Variants in ADIPOQ observed in about 807,000 individuals in gnomAD.
ADIPOQ encodes the protein adiponectin, C1Q and collagen domain containing, also known as adiponectin.
A neutral mutation model predicts 16.1 loss-of-function variants in ADIPOQ; 19 were observed. The ratio of observed to expected loss-of-function variants is 1.18; its 90% CI spans 0.82 to 1.73. The LOEUF (loss-of-function observed/expected upper bound fraction) is 1.73. Among genes scored for constraint, ADIPOQ ranks in the 40% most tolerant of loss-of-function variants. The probability of loss-of-function intolerance (pLI) is 0.00; values close to 1 mark genes in which losing one functional copy is unlikely to be tolerated. For missense variants in ADIPOQ, 323 were observed against 308.3 expected, an observed-to-expected ratio of 1.05 and a Z score of -0.36; for synonymous variants, 124 against 125.5, an observed-to-expected ratio of 0.99 and a Z score of 0.08.
At position 186,853,252 on chromosome 3, in the gene ADIPOQ, A is replaced by G. The variant is rs750066620; in HGVS notation, c.194A>G (p.Lys65Arg). 2 of 1,606,796 alleles carry G rather than the reference A, an allele frequency of 1.2e-6. No individual in the cohort carries two copies. Among genetic ancestry groups the G allele is most frequent in the Admixed American group, 3.4e-5 (2 of 58,352 alleles). Reference protein sequence around the residue: ...RDGRDGTPGEKGEKGDPGLIG... With the variant: ...RDGRDGTPGERGEKGDPGLIG... ...GGCAGAGATGGCACCCCTGGTGAGA[A>G]GGGTGAGAAAGGAGATCCAGGTAAG... The change falls in exon 2 of 3, where the codon AAG becomes AGG. Residue 65 changes from lysine (K) to arginine (R), a missense_variant. By Grantham distance (26) the Lys-to-Arg change is conservative (BLOSUM62 2). Transcript: ENST00000320741.
rs1711827012 is a variant in ADIPOQ, at chr3:186,852,789, T to G, written c.-8-262T>G. 8.5e-6 allele frequency: 4 copies of G among 472,678 alleles called. No individual in the cohort carries two copies. In the Admixed American group the frequency reaches 1.4e-4, roughly 16 times the overall value. The allele number at this position is 472,678 out of a possible 1,614,324, so 29.3% of individuals were successfully genotyped here. On this transcript the variant is annotated intron_variant, in intron 1 of 2. Coordinates refer to ENST00000320741, the MANE Select transcript of ADIPOQ (RefSeq NM_004797.4). ...ATGGGAAAATTAGAGGAGTGTCATC[T>G]GTGCAATCACTGAATTCATAATCTT... is the stretch of plus-strand genomic sequence containing the variant.
intron 1 of ADIPOQ, 81 bp from the exon 2 acceptor site, chr3:186,852,970 A>T: frequency 1.4e-6 from 2 of 1,454,942 alleles, no homozygotes; most frequent in South Asian, 2.3e-5. Context: ...GCTGAGATGG[A>T]CGGAGTCCTT....
rs1437402655 is a variant in ADIPOQ, at chr3:186,857,479, A to G, written c.*2775A>G. 1 of 152,188 alleles carries G rather than the reference A, an allele frequency of 6.6e-6. No individual in the cohort carries two copies. The highest frequency in any genetic ancestry group is 1.5e-5 in the Non-Finnish European group (1 of 68,016). 9.4% of individuals were successfully genotyped at this position (152,188 alleles called of 1,614,324 possible). A position where few individuals can be genotyped will look rare whatever the true frequency, so the allele number is the denominator to read the frequency against. Reference sequence around the variant, plus strand: ...TTCTCTAAAATTTCAACAAGTAGCTAAAGTCTGGCTATGCTCACAGTCTCA... The same window carrying G: ...TTCTCTAAAATTTCAACAAGTAGCTGAAGTCTGGCTATGCTCACAGTCTCA... On this transcript the variant is annotated 3_prime_UTR_variant, in exon 3 of 3. Coordinates refer to ENST00000320741, the MANE Select transcript of ADIPOQ (RefSeq NM_004797.4).
rs903009974 is a variant in ADIPOQ at position 186,855,866 on chromosome 3, C to T, written c.*1162C>T. On this transcript the variant is annotated 3_prime_UTR_variant, in exon 3 of 3. Transcript: ENST00000320741. Reference sequence around the variant, plus strand: ...ACTGTGCTTCCGTCACCTCTAAATCCCTTGCAGATCCTTGATAAATGCCTC... The same window carrying T: ...ACTGTGCTTCCGTCACCTCTAAATCTCTTGCAGATCCTTGATAAATGCCTC... 6.6e-6 allele frequency: 1 copy of T among 152,250 alleles called. No individual in the cohort carries two copies. The highest frequency in any genetic ancestry group is 1.5e-5 in the Non-Finnish European group (1 of 68,076). The allele number at this position is 152,250 out of a possible 1,614,324, so 9.4% of individuals were successfully genotyped here.
chr3:186,843,609 G>A (rs568820534), intron 1 of ADIPOQ, among the ~76,000 whole-genome samples: 1 of 147,228 alleles, frequency 6.8e-6, no homozygotes, highest in East Asian at 2.0e-4. Context: ...GCAGTGAGCC[G>A]AGATTGTTGC....
Position 186,857,766 on chromosome 3 carries a change from T to G in ADIPOQ, c.*3062T>G, listed in dbSNP as rs201580726. On this transcript the variant is annotated 3_prime_UTR_variant, in exon 3 of 3. Coordinates refer to ENST00000320741, the MANE Select transcript of ADIPOQ (RefSeq NM_004797.4). ...AGCGCTCTATTATTAGATATATACATGTTTAGTATTATGTCTTATTGGTGC... is the reference window on the plus strand; with the variant it reads ...AGCGCTCTATTATTAGATATATACAGGTTTAGTATTATGTCTTATTGGTGC... The G allele has an allele frequency of 1.3e-5, 2 of 152,224 alleles. No individual in the cohort carries two copies. The highest frequency in any genetic ancestry group is 4.8e-5 in the African/African-American group (2 of 41,466). 9.4% of individuals were successfully genotyped at this position (152,224 alleles called of 1,614,324 possible). A position where few individuals can be genotyped will look rare whatever the true frequency, so the allele number is the denominator to read the frequency against.
At position 186,857,344 on chromosome 3, in the gene ADIPOQ, A is replaced by G. The variant is rs1712043144; in HGVS notation, c.*2640A>G. 2.0e-5 allele frequency: 3 copies of G among 152,232 alleles called. No homozygotes were observed. Among genetic ancestry groups the G allele is most frequent in the South Asian group, 2.1e-4 (1 of 4,834 alleles). 9.4% of individuals were successfully genotyped at this position (152,232 alleles called of 1,614,324 possible). A position where few individuals can be genotyped will look rare whatever the true frequency, so the allele number is the denominator to read the frequency against. Reference sequence around the variant, plus strand: ...TTGGGACACTGTTATCAGAAATAGGAGAGTGGATGATAGATGCAAAATAAT... The same window carrying G: ...TTGGGACACTGTTATCAGAAATAGGGGAGTGGATGATAGATGCAAAATAAT... On this transcript the variant is annotated 3_prime_UTR_variant, in exon 3 of 3. Coordinates refer to ENST00000320741, the MANE Select transcript of ADIPOQ (RefSeq NM_004797.4).
chr3:186,854,226 C>T lies in ADIPOQ; in HGVS notation c.257C>T (p.Pro86Leu), dbSNP rs779058354. 20 of 1,613,476 alleles carry T rather than the reference C, an allele frequency of 1.2e-5. No individual in the cohort carries two copies. The highest frequency in any genetic ancestry group is 1.5e-5 in the Non-Finnish European group (18 of 1,179,632). The stretch of plus-strand genomic sequence containing the variant: ...GGAGACATCGGTGAAACCGGAGTAC[C>T]CGGGGCTGAAGGTCCCCGAGGCTTT... ...PKGDIGETGVPGAEGPRGFPG... is the reference protein window; with the variant it reads ...PKGDIGETGVLGAEGPRGFPG... Residue 86 changes from proline (P) to leucine (L), a missense_variant, in exon 3 of 3, where the codon CCC (proline) becomes CTC (leucine). Pro to Leu is a moderately conservative substitution (Grantham distance 98). Transcript: ENST00000320741.
chr3:186,855,019 G>A lies in ADIPOQ; in HGVS notation c.*315G>A, dbSNP rs936874485. 3.2e-5 allele frequency: 13 copies of A among 403,158 alleles called. No individual in the cohort carries two copies. The highest frequency in any genetic ancestry group is 2.7e-4 in the African/African-American group (13 of 48,888). The allele number at this position is 403,158 out of a possible 1,614,324, so 25.0% of individuals were successfully genotyped here. ...AGGCACAGGGAACAAGCATTCTCCT[G>A]TTTTTACAGATTGTATCCTGAGGCT... On this transcript the variant is annotated 3_prime_UTR_variant, in exon 3 of 3. Transcript: ENST00000320741.
At chr3:186,846,215 G>A (rs1711573702) in intron 1 of ADIPOQ, among the ~76,000 whole-genome samples, 1 of 151,230 alleles carries the variant, frequency 6.6e-6, no homozygotes. Flanking sequence ...GATTTCTGGG[G>A]CTCCTTTTGG....
chr3:186,849,674 CTCTG>C (rs1279564111), intron 1 of ADIPOQ, among the ~76,000 whole-genome samples: 1 of 152,214 alleles, frequency 6.6e-6, no homozygotes, highest in African/African-American at 2.4e-5. Flanking sequence ...TCTCTCTTCT[CTCTG>C]TCTGCCATTT....
At chr3:186,843,716 A>G (rs890300158) in intron 1 of ADIPOQ, among the ~76,000 whole-genome samples, 2 of 151,928 alleles carry the variant, frequency 1.3e-5, no homozygotes, top group African/African-American at 4.8e-5. Context: ...ATAAAATGAG[A>G]AAAGCCTGGC....
At chr3:186,852,426 G>T (rs141778173) in intron 1 of ADIPOQ, 184 of 153,782 alleles carry the variant, frequency 1.2e-3, no homozygotes, top group Middle Eastern at 6.8e-3. Flanking sequence ...GTCTCTCGTT[G>T]TCTGCTTAAC....
At chr3:186,847,036 G>A (rs1050556400) in intron 1 of ADIPOQ, among the ~76,000 whole-genome samples, 3 of 152,140 alleles carry the variant, frequency 2.0e-5, no homozygotes, top group African/African-American at 7.2e-5. Flanking sequence ...ATCTTGGAAA[G>A]CCACTTAACC....
At chr3:186,843,499 A>C (rs1711505859) in intron 1 of ADIPOQ, among the ~76,000 whole-genome samples, 1 of 152,050 alleles carries the variant, frequency 6.6e-6, no homozygotes, top group East Asian at 1.9e-4. Flanking sequence ...GCCTCTACCA[A>C]AAATACAAAA....
At chr3:186,850,087 G>T (rs1039981423) in intron 1 of ADIPOQ, among the ~76,000 whole-genome samples, 1 of 152,078 alleles carries the variant, frequency 6.6e-6, no homozygotes, top group Non-Finnish European at 1.5e-5. Context: ...TGGCCAACAT[G>T]GTGAAACCCC....
In ADIPOQ at chr3:186,854,244, G is replaced by A. The variant is rs1423725530; in HGVS notation, c.275G>A (p.Arg92Gln). 6.2e-6 allele frequency: 10 copies of A among 1,613,504 alleles called. No individual in the cohort carries two copies. Among genetic ancestry groups the A allele is most frequent in the East Asian group, 2.2e-5 (1 of 44,894 alleles). ...GGAGTACCCGGGGCTGAAGGTCCCCGAGGCTTTCCGGGAATCCAAGGCAGG... is the reference window on the plus strand; with the variant it reads ...GGAGTACCCGGGGCTGAAGGTCCCCAAGGCTTTCCGGGAATCCAAGGCAGG... ...ETGVPGAEGP[R>Q]GFPGIQGRKG... The change falls in exon 3 of 3, where the codon CGA (arginine) becomes CAA (glutamine). Residue 92 changes from arginine to glutamine, a missense_variant. Arg to Gln is a conservative substitution (Grantham distance 43). Transcript: ENST00000320741.
rs571109278 is a variant in ADIPOQ at position 186,844,715 on chromosome 3, T to TA, written c.-9+1971dup. On this transcript the variant is annotated intron_variant, in intron 1 of 2. Transcript: ENST00000320741. The stretch of plus-strand genomic sequence containing the variant: ...TGTGCAACCATGCCTGGCTAATTTT[T>TA]AAAAATTTTTTGTAGAGATGAGGTC... Among the ~76,000 whole-genome samples the TA allele has an allele frequency of 4.5e-3, 680 of 152,078 alleles. 4 individuals are homozygous for TA. Among genetic ancestry groups the TA allele is most frequent in the African/African-American group, 0.016 (658 of 41,502 alleles).
At position 186,853,005 on chromosome 3, in the gene ADIPOQ, G is replaced by A. The variant is rs567259133; in HGVS notation, c.-8-46G>A. 5.6e-6 allele frequency: 9 copies of A among 1,601,420 alleles called. 1 individual carries two copies. The African/African-American group carries it at 6.7e-5, about 12-fold the overall frequency. On this transcript the variant is annotated intron_variant, in intron 1 of 2. Coordinates refer to ENST00000320741, the MANE Select transcript of ADIPOQ (RefSeq NM_004797.4). ...TTGTAGGTCCCAACTGGGTGTGTGT[G>A]TGGGGTCTGTCTCTCCATGGCTGAC...
Sources: allele counts gnomAD v4.1 joint callset (sites outside exome capture counted in the v4.1 genomes callset), GRCh38; gene constraint gnomAD v4.1.1; transcripts MANE v1.5; gene names NCBI Gene and HGNC (gene_info 2026-07-23, HGNC 2026-07-21).